The following PCSK2 variants were observed in gnomAD, a reference collection of about 807,000 sequenced individuals.
PCSK2 encodes proprotein convertase subtilisin/kexin type 2.
PCSK2 carries 14 observed loss-of-function variants against 69.7 expected under a neutral mutation model. The ratio of observed to expected loss-of-function variants is 0.20; its 90% CI spans 0.13 to 0.31. The LOEUF is 0.31. Ranked by LOEUF, PCSK2 falls within the 10% of genes least tolerant of loss-of-function variation. The pLI, the probability that PCSK2 is intolerant of heterozygous loss-of-function variation, is 1.00. For synonymous variants in PCSK2, 307 were observed against 320.7 expected, an observed-to-expected ratio of 0.96 and a Z score of 0.46; for missense variants, 544 against 842.5, an observed-to-expected ratio of 0.65 and a Z score of 4.39.
chr20:17,289,188 T>A (rs1439788880), intron 2 of PCSK2, among the ~76,000 whole-genome samples: 1 of 152,226 alleles, frequency 6.6e-6, no homozygotes, highest in Non-Finnish European at 1.5e-5. Context: ...CTCAATCACT[T>A]AGCCTTGTTA....
intron 2 of PCSK2, among the ~76,000 whole-genome samples, chr20:17,296,452 A>T (rs537664865): frequency 6.6e-6 from 1 of 152,078 alleles, no homozygotes; most frequent in East Asian, 1.9e-4. Flanking sequence ...CTGCCAAACC[A>T]CTCGCGCCCC....
At chr20:17,263,032 G>A (rs1260054309) in intron 2 of PCSK2, 1 of 337,272 alleles carries the variant, frequency 3.0e-6, no homozygotes, top group Admixed American at 6.5e-5. Flanking sequence ...CAAAGCCCAG[G>A]GAGGGTGGTC....
chr20:17,248,804 A>G (rs1003039244), intron 1 of PCSK2, among the ~76,000 whole-genome samples: 4 of 152,174 alleles, frequency 2.6e-5, no homozygotes, highest in African/African-American at 7.2e-5. Flanking sequence ...AGTCCCACTC[A>G]TCTCCATCAG....
In PCSK2 at chr20:17,443,144, CAG is replaced by C. The variant is rs1225625525; in HGVS notation, c.885+6264_885+6265del. On this transcript the variant is annotated intron_variant, in intron 8 of 11. Transcript: ENST00000262545. ...AAAAACACAATTATGAGATGGGAAA[CAG>C]AGTCCTCGAAGTGAACATCATGGTG... Among the ~76,000 whole-genome samples, 23 of 152,298 alleles carry C rather than the reference CAG, an allele frequency of 1.5e-4. No individual in the cohort carries two copies. The East Asian group carries it at 4.1e-3, about 27-fold the overall frequency.
intron 2 of PCSK2, among the ~76,000 whole-genome samples, chr20:17,346,298 C>T (rs1276700343): frequency 2.6e-5 from 4 of 152,188 alleles, no homozygotes; most frequent in Non-Finnish European, 5.9e-5. Flanking sequence ...CTCTCACCCC[C>T]AAACGCCTTT....
chr20:17,386,371 G>C (rs566788365), intron 5 of PCSK2, among the ~76,000 whole-genome samples: 15 of 152,246 alleles, frequency 9.9e-5, no homozygotes, highest in African/African-American at 1.2e-4. Flanking sequence ...GAATGGAGAA[G>C]CAAAATGTAT....
At chr20:17,383,444 T>C (rs957529154) in intron 5 of PCSK2, among the ~76,000 whole-genome samples, 6 of 152,144 alleles carry the variant, frequency 3.9e-5, no homozygotes, top group African/African-American at 1.4e-4. Context: ...AGCCTCTCTA[T>C]CCAAGACTGC....
chr20:17,382,689 T>C (rs933880416), intron 5 of PCSK2, among the ~76,000 whole-genome samples: 2 of 152,094 alleles, frequency 1.3e-5, no homozygotes, highest in African/African-American at 4.8e-5. Flanking sequence ...GCTTCCACTC[T>C]TACCCTCTGC....
At chr20:17,448,410 C>G (rs887053271) in intron 8 of PCSK2, among the ~76,000 whole-genome samples, 2 of 152,166 alleles carry the variant, frequency 1.3e-5, no homozygotes, top group African/African-American at 4.8e-5. Flanking sequence ...TGACGGTAAG[C>G]AATTTGTAAC....
intron 2 of PCSK2, among the ~76,000 whole-genome samples, chr20:17,354,633 G>A (rs2030132417): frequency 2.0e-5 from 3 of 152,116 alleles, no homozygotes; most frequent in Non-Finnish European, 4.4e-5. Context: ...TAATAAGAGG[G>A]AAATGGATAA....
At chr20:17,437,459 G>T (rs975311343) in intron 8 of PCSK2, among the ~76,000 whole-genome samples, 1 of 152,174 alleles carries the variant, frequency 6.6e-6, no homozygotes, top group Admixed American at 6.5e-5. Context: ...GCTGCATAGG[G>T]AGGGGAAGGG....
intron 8 of PCSK2, among the ~76,000 whole-genome samples, chr20:17,437,985 T>TCCCCCCC (rs11481325): frequency 1.3e-4 from 19 of 150,006 alleles, no homozygotes; most frequent in South Asian, 4.2e-4. Flanking sequence ...GGCCAGCAGT[T>TCCCCCCC]CCCCCCCACC....
chr20:17,249,245 G>T (rs1467221360), intron 1 of PCSK2, among the ~76,000 whole-genome samples: 1 of 152,092 alleles, frequency 6.6e-6, no homozygotes, highest in African/African-American at 2.4e-5. Context: ...GGTGGCTCAC[G>T]CCTGTAATCC....
intron 2 of PCSK2, among the ~76,000 whole-genome samples, chr20:17,290,654 C>T (rs764210341): frequency 1.9e-4 from 29 of 152,194 alleles, no homozygotes; most frequent in Non-Finnish European, 3.2e-4. Flanking sequence ...AGTGCTATAT[C>T]GCTTCCTTTT....
chr20:17,337,348 G>T (rs553350651), intron 2 of PCSK2, among the ~76,000 whole-genome samples: 1 of 152,260 alleles, frequency 6.6e-6, no homozygotes, highest in Non-Finnish European at 1.5e-5. Flanking sequence ...AACCACAGTG[G>T]GGCATTCTTG....
upstream of PCSK2, among the ~76,000 whole-genome samples, chr20:17,226,801 T>G (rs1417484518): frequency 2.3e-5 from 3 of 131,590 alleles, no homozygotes; most frequent in Admixed American, 2.3e-4. Flanking sequence ...GCGGGCTCGC[T>G]GCGCTGCGCT....
intron 2 of PCSK2, among the ~76,000 whole-genome samples, chr20:17,261,758 T>A (rs567926725): frequency 3.9e-5 from 6 of 152,112 alleles, no homozygotes; most frequent in African/African-American, 1.4e-4. Context: ...TAGACAAAGA[T>A]CACCCTGGTG....
chr20:17,367,104 T>C (rs918302377), intron 4 of PCSK2, among the ~76,000 whole-genome samples: 1 of 151,440 alleles, frequency 6.6e-6, no homozygotes, highest in Admixed American at 6.6e-5. Context: ...ATATTTAAAA[T>C]ATAAATTATA....
chr20:17,269,478 T>G (rs1987773691), intron 2 of PCSK2, among the ~76,000 whole-genome samples: 1 of 152,162 alleles, frequency 6.6e-6, no homozygotes, highest in African/African-American at 2.4e-5. Context: ...ATCCCTATAA[T>G]TATTTCTTAT....
Sources: allele counts gnomAD v4.1 joint callset (sites outside exome capture counted in the v4.1 genomes callset), GRCh38; gene constraint gnomAD v4.1.1; transcripts MANE v1.5; gene names NCBI Gene and HGNC (gene_info 2026-07-23, HGNC 2026-07-21).